ARHGEF10: variants seen among roughly 807,000 people sequenced by gnomAD.
ARHGEF10 encodes the protein Rho guanine nucleotide exchange factor (GEF) 10.
A neutral mutation model predicts 147.4 loss-of-function variants in ARHGEF10; 140 were observed. That is an observed-to-expected ratio of 0.95 (90% CI 0.83 to 1.09). The LOEUF (loss-of-function observed/expected upper bound fraction) is 1.09, where lower values mean the gene tolerates loss of function less well. Among genes scored for constraint, ARHGEF10 ranks in the 50% least tolerant of loss-of-function variants. The pLI is 0.00. For missense variants in ARHGEF10, 2,222 were observed against 1,752.7 expected (o/e 1.27, Z -4.78); for synonymous variants, 902 against 695.8 (o/e 1.30, Z -4.67).
intron 21 of ARHGEF10, among the ~76,000 whole-genome samples, chr8:1,924,345 T>G (rs1246520579): frequency 6.6e-6 from 1 of 152,216 alleles, no homozygotes; most frequent in African/African-American, 2.4e-5. Context: ...TTACTGTAGA[T>G]GGATGTGACT....
rs1228202701 is a variant in ARHGEF10 at position 1,824,294 on chromosome 8, C to A, written c.-48+181C>A. 3.9e-5 allele frequency among the ~76,000 whole-genome samples: 6 copies of A among 152,002 alleles called. 1 individual carries two copies. The highest frequency in any genetic ancestry group is 2.6e-4 in the Admixed American group (4 of 15,286). ...GACCCCCTCCCCCCGAGCAGCTCCC[C>A]CTTCCGCGGCGCCCCCGGCCCCTCA... On this transcript the variant is annotated intron_variant, in intron 1 of 28. Coordinates refer to ENST00000349830, the MANE Select transcript of ARHGEF10 (RefSeq NM_014629.4).
At chr8:1,923,741 A>T (rs1812471645) in intron 20 of ARHGEF10, 33 bp from the exon 21 acceptor site, 1 of 1,613,930 alleles carries the variant, frequency 6.2e-7, no homozygotes, top group African/African-American at 1.3e-5. Context: ...AGCACGTTTT[A>T]TAAAATGAAT....
intron 7 of ARHGEF10, among the ~76,000 whole-genome samples, chr8:1,873,520 G>T (rs57897495): frequency 1.4e-5 from 1 of 70,880 alleles, no homozygotes; most frequent in African/African-American, 6.7e-5. Flanking sequence ...TTTGAGAGGC[G>T]CCCGCGGGGT....
At position 1,859,886 on chromosome 8, in the gene ARHGEF10, T is replaced by C; in HGVS notation, c.194-11T>C. 1 of 1,613,954 alleles carries C rather than the reference T, an allele frequency of 6.2e-7. No individual in the cohort carries two copies. Among genetic ancestry groups the C allele is most frequent in the African/African-American group, 1.3e-5 (1 of 75,026 alleles). On this transcript the variant is annotated splice_polypyrimidine_tract_variant and intron_variant, in intron 3 of 28. Transcript: ENST00000349830. The stretch of plus-strand genomic sequence containing the variant: ...GATGTGTCTGCTGACAAGTCCTTTC[T>C]GCATCCCCAGGAGGTGAGGATGGAG...
intron 7 of ARHGEF10, chr8:1,876,289 G>A (rs746455313): frequency 1.0e-4 from 52 of 498,838 alleles, no homozygotes; most frequent in Non-Finnish European, 1.3e-4. Flanking sequence ...TGACTGTGGC[G>A]GATGCCCATA....
At chr8:1,898,365 G>A in intron 14 of ARHGEF10, 68 bp from the exon 15 acceptor site, 14 of 1,393,812 alleles carry the variant, frequency 1.0e-5, no homozygotes, top group African/African-American at 1.4e-5. Context: ...GTGGGGAGGA[G>A]GCGGCCCCAG....
chr8:1,826,844 G>C (rs1015499093), intron 1 of ARHGEF10, among the ~76,000 whole-genome samples: 1 of 152,214 alleles, frequency 6.6e-6, no homozygotes, highest in African/African-American at 2.4e-5. Flanking sequence ...AGTTTGCCTG[G>C]GTAGAAAGGT....
intron 18 of ARHGEF10, among the ~76,000 whole-genome samples, chr8:1,909,751 G>A (rs547758333): frequency 2.6e-5 from 4 of 152,344 alleles, no homozygotes; most frequent in African/African-American, 9.6e-5. Context: ...GGTCCAGTGA[G>A]CTCAGTTTTG....
At position 1,957,071 on chromosome 8, in the gene ARHGEF10, C is replaced by G. The variant is rs1164792695; in HGVS notation, c.3843C>G (p.Ile1281Met). Residue 1281 changes from isoleucine to methionine, a missense_variant, in exon 29 of 29, where the codon ATC becomes ATG. Coordinates refer to ENST00000349830, the MANE Select transcript of ARHGEF10 (RefSeq NM_014629.4). ...AGCACAGATCAGAGGACAGCACCAT[C>G]TATGATCTCCTGAAGGATCCTGTCT... ...SLEHRSEDST[I>M]YDLLKDPVSL... 3 of 1,613,734 alleles carry G rather than the reference C, an allele frequency of 1.9e-6. No homozygotes were observed. Among genetic ancestry groups the G allele is most frequent in the South Asian group, 1.1e-5 (1 of 91,088 alleles).
Position 1,904,950 on chromosome 8 carries a change from G to A in ARHGEF10, c.1822-621G>A, listed in dbSNP as rs188305510. Among the ~76,000 whole-genome samples, 175 of 152,208 alleles carry A rather than the reference G, an allele frequency of 1.1e-3. 1 individual carries two copies. Among genetic ancestry groups the A allele is most frequent in the Admixed American group, 8.6e-3 (131 of 15,282 alleles). On this transcript the variant is annotated intron_variant, in intron 16 of 28. Transcript: ENST00000349830. The stretch of plus-strand genomic sequence containing the variant: ...AGCCTAACCAACATGACAAAACCCC[G>A]TCTCTACTAAAAATACAAAAAGAAA...
rs73671032 is a variant in ARHGEF10 at position 1,896,535 on chromosome 8, G to A, written c.1557+86G>A. The A allele has an allele frequency of 0.02, 19,623 of 968,258 alleles. 678 individuals carry two copies. The highest frequency in any genetic ancestry group is 0.13 in the African/African-American group (8,172 of 61,714). 60.0% of individuals were successfully genotyped at this position (968,258 alleles called of 1,614,324 possible). On this transcript the variant is annotated intron_variant, in intron 14 of 28. Coordinates refer to ENST00000349830, the MANE Select transcript of ARHGEF10 (RefSeq NM_014629.4). ...AGCTTGACTCTGAATGCAGTTATTC[G>A]TTATTAAGATTTCAGTATCAATAGT...
chr8:1,837,802 C>T (rs1203553474), intron 1 of ARHGEF10, among the ~76,000 whole-genome samples: 1 of 152,180 alleles, frequency 6.6e-6, no homozygotes, highest in Admixed American at 6.5e-5. Context: ...CGTCGTATTA[C>T]TAATGTTGGG....
Position 1,843,437 on chromosome 8 carries a change from G to C in ARHGEF10, c.37+1G>C, listed in dbSNP as rs1263226410. On this transcript the variant is annotated splice_donor_variant, in intron 2 of 28. Transcript: ENST00000349830. LOFTEE classifies it high-confidence loss of function. ...GAGCCCCTGCCTCCCGCTCCTGCAG[G>C]TAACAGCACTCAGTAGGTGGGCCTG... 1 of 1,612,136 alleles carries C rather than the reference G, an allele frequency of 6.2e-7. No individual in the cohort carries two copies. Among genetic ancestry groups the C allele is most frequent in the African/African-American group, 1.3e-5 (1 of 74,902 alleles).
intron 1 of ARHGEF10, among the ~76,000 whole-genome samples, chr8:1,833,525 C>A (rs1461529735): frequency 9.9e-5 from 15 of 152,188 alleles, no homozygotes; most frequent in Admixed American, 9.8e-4. Context: ...TGCATCCGCC[C>A]CAAGCACGGC....
chr8:1,924,046 T>A (rs1386529661), intron 21 of ARHGEF10, among the ~76,000 whole-genome samples, 172 bp downstream of exon 21: 1 of 152,224 alleles, frequency 6.6e-6, no homozygotes, highest in Non-Finnish European at 1.5e-5. Flanking sequence ...TTTTTAGATG[T>A]TCATATTAAA....
chr8:1,926,826 TAGC>T, intron 23 of ARHGEF10: 1 of 329,776 alleles, frequency 3.0e-6, no homozygotes, highest in Non-Finnish European at 5.8e-6. Context: ...AGTGGAAACT[TAGC>T]AGTTAAAATT....
intron 2 of ARHGEF10, among the ~76,000 whole-genome samples, chr8:1,848,350 G>A (rs1487012965): frequency 6.6e-6 from 1 of 152,112 alleles, no homozygotes; most frequent in Non-Finnish European, 1.5e-5. Context: ...CGAGGGATGG[G>A]GTCTCGTGGC....
chr8:1,825,383 C>G (rs563187960), intron 1 of ARHGEF10, among the ~76,000 whole-genome samples: 26 of 72,052 alleles, frequency 3.6e-4, no homozygotes, highest in African/African-American at 1.5e-3. Context: ...TGCACCTCAA[C>G]TGTCCTGCAC....
At chr8:1,886,878 G>A (rs1285545875) in intron 11 of ARHGEF10, among the ~76,000 whole-genome samples, 2 of 152,174 alleles carry the variant, frequency 1.3e-5, no homozygotes, top group African/African-American at 4.8e-5. Context: ...TAACCTGTCT[G>A]TGCTCACTGG....
Sources: gnomAD v4.1 joint callset for allele counts (sites outside exome capture counted in the v4.1 genomes callset) on GRCh38, gnomAD v4.1.1 for gene constraint, MANE v1.5 for transcripts, NCBI Gene and HGNC (gene_info 2026-07-23, HGNC 2026-07-21) for gene names.